MGAT4C: variants seen among roughly 807,000 people sequenced by gnomAD.
MGAT4C encodes the protein alpha-1,3-mannosyl-glycoprotein 4-beta-N-acetylglucosaminyltransferase C.
Under a neutral mutation model 40.1 loss-of-function variants are expected in MGAT4C, and 19 were observed. The ratio of observed to expected loss-of-function variants is 0.47; its 90% CI spans 0.33 to 0.70. MGAT4C has a LOEUF of 0.70. Among genes scored for constraint, MGAT4C ranks in the 30% least tolerant of loss-of-function variants. The pLI, the probability that MGAT4C is intolerant of heterozygous loss-of-function variation, is 0.02. For synonymous variants in MGAT4C, 181 were observed against 187.1 expected (o/e 0.97, Z 0.27); for missense variants, 491 against 563.2 (o/e 0.87, Z 1.30).
chr12:86,577,035 TTA>T (rs1365347938), intron 2 of MGAT4C, among the ~76,000 whole-genome samples: 4 of 151,814 alleles, frequency 2.6e-5, no homozygotes, highest in Non-Finnish European at 5.9e-5. Flanking sequence ...TCTTCTTTTG[TTA>T]TGTTAATTCC....
intron 2 of MGAT4C, among the ~76,000 whole-genome samples, chr12:86,465,775 G>C (rs1175178298): frequency 1.3e-5 from 2 of 152,164 alleles, no homozygotes; most frequent in Non-Finnish European, 2.9e-5. Context: ...TCTTTCATTG[G>C]TGGTGGGAAT....
chr12:86,803,548 T>A (rs1952276698), intron 1 of MGAT4C, among the ~76,000 whole-genome samples: 2 of 150,808 alleles, frequency 1.3e-5, no homozygotes, highest in South Asian at 2.1e-4. Flanking sequence ...GAATCTACAA[T>A]GAACTCAAAC....
chr12:86,516,682 A>T (rs530031548), intron 2 of MGAT4C, among the ~76,000 whole-genome samples: 117 of 152,296 alleles, frequency 7.7e-4, no homozygotes, highest in African/African-American at 2.8e-3. Flanking sequence ...TAAAACAACA[A>T]GCCACAAAAT....
At chr12:86,116,105 G>A (rs546812922) in intron 1 of MGAT4C, among the ~76,000 whole-genome samples, 1 of 151,806 alleles carries the variant, frequency 6.6e-6, no homozygotes, top group Non-Finnish European at 1.5e-5. Context: ...CATAAAGGCT[G>A]CTCTGGCCCA....
intron 2 of MGAT4C, among the ~76,000 whole-genome samples, chr12:86,632,842 C>T (rs980280526): frequency 7.2e-5 from 11 of 151,802 alleles, no homozygotes; most frequent in African/African-American, 2.7e-4. Flanking sequence ...ACCAACATGG[C>T]ACATGTATAC....
rs1592751221 is a variant in MGAT4C at position 86,039,121 on chromosome 12, C to T, written c.-7+10553G>A. 1.5e-5 allele frequency among the ~76,000 whole-genome samples: 2 copies of T among 131,640 alleles called. 1 individual carries two copies. The allele number at this position is 131,640 out of a possible 152,430, so 86.4% of individuals were successfully genotyped here. On this transcript the variant is annotated intron_variant, in intron 2 of 4. Transcript: ENST00000611864. ...CTGATGGGCTTCCCTTTGTGGGTAA[C>T]CCAACCTTTCTCTCTGGCTGCCCTT...
chr12:86,675,196 C>A (rs566244601), intron 2 of MGAT4C, among the ~76,000 whole-genome samples: 1 of 152,294 alleles, frequency 6.6e-6, no homozygotes, highest in African/African-American at 2.4e-5. Context: ...AATGCACTTA[C>A]TGATTGTTCC....
chr12:86,563,929 C>T (rs573910050), intron 2 of MGAT4C, among the ~76,000 whole-genome samples: 21 of 152,298 alleles, frequency 1.4e-4, no homozygotes, highest in African/African-American at 4.3e-4. Context: ...GGCAGAATCC[C>T]CACATTGGTT....
At chr12:86,164,596 G>A (rs927488185) in intron 1 of MGAT4C, among the ~76,000 whole-genome samples, 2 of 152,104 alleles carry the variant, frequency 1.3e-5, no homozygotes, top group East Asian at 1.9e-4. Context: ...TGTTTTATGA[G>A]CACATGTTAG....
chr12:86,509,374 T>C (rs997348588), intron 2 of MGAT4C, among the ~76,000 whole-genome samples: 1 of 152,198 alleles, frequency 6.6e-6, no homozygotes, highest in Non-Finnish European at 1.5e-5. Flanking sequence ...TAGTTGTAGA[T>C]ATGCAGCATT....
intron 2 of MGAT4C, among the ~76,000 whole-genome samples, chr12:86,484,933 A>G (rs1241585248): frequency 6.6e-6 from 1 of 152,162 alleles, no homozygotes; most frequent in Non-Finnish European, 1.5e-5. Flanking sequence ...TTTAGAGGCT[A>G]TCTTCTGGCC....
chr12:86,491,147 T>A (rs1958124718), intron 2 of MGAT4C, among the ~76,000 whole-genome samples: 1 of 152,138 alleles, frequency 6.6e-6, no homozygotes, highest in African/African-American at 2.4e-5. Flanking sequence ...ATTGTGGCAA[T>A]AATCAATAGC....
chr12:86,283,466 A>G (rs1953270894), intron 4 of MGAT4C, among the ~76,000 whole-genome samples: 1 of 152,076 alleles, frequency 6.6e-6, no homozygotes, highest in African/African-American at 2.4e-5. Context: ...GTACATATTT[A>G]GAACTTTTAA....
At chr12:86,035,517 T>C (rs185510526) in intron 2 of MGAT4C, among the ~76,000 whole-genome samples, 1 of 150,150 alleles carries the variant, frequency 6.7e-6, no homozygotes, top group East Asian at 1.9e-4. Context: ...TTTCTCCCAT[T>C]CTTTAGGTTG....
intron 2 of MGAT4C, among the ~76,000 whole-genome samples, chr12:86,523,396 G>C (rs1958829950): frequency 6.6e-6 from 1 of 152,090 alleles, no homozygotes; most frequent in Non-Finnish European, 1.5e-5. Context: ...GTAAACATAT[G>C]GTTTTGAGTG....
At chr12:86,753,592 C>T (rs914803066) in intron 1 of MGAT4C, among the ~76,000 whole-genome samples, 19 of 151,786 alleles carry the variant, frequency 1.3e-4, no homozygotes, top group African/African-American at 2.4e-4. Flanking sequence ...TCGGCAGTCA[C>T]GCAATGGGAG....
At chr12:86,814,329 CGTATATATAT>C (rs1296662150) in intron 1 of MGAT4C, among the ~76,000 whole-genome samples, 2 of 916 alleles carry the variant, frequency 2.2e-3, no homozygotes, top group African/African-American at 0.016. Flanking sequence ...TATACATATA[CGTATATATAT>C]ACATATATAT....
intron 1 of MGAT4C, among the ~76,000 whole-genome samples, chr12:86,730,888 T>A (rs1950897492): frequency 6.6e-6 from 1 of 152,146 alleles, no homozygotes. Context: ...GTTGTGCTTA[T>A]TCTTCAGATG....
At chr12:86,333,496 C>G (rs1298038970) in intron 4 of MGAT4C, among the ~76,000 whole-genome samples, 1 of 152,122 alleles carries the variant, frequency 6.6e-6, no homozygotes, top group Non-Finnish European at 1.5e-5. Flanking sequence ...AAACAGCAGG[C>G]TATCAAAGAC....
Sources: gnomAD v4.1 joint callset for allele counts (sites outside exome capture counted in the v4.1 genomes callset) on GRCh38, gnomAD v4.1.1 for gene constraint, MANE v1.5 for transcripts, NCBI Gene and HGNC (gene_info 2026-07-23, HGNC 2026-07-21) for gene names.